The following CHN1 variants were observed in gnomAD, a reference collection of about 807,000 sequenced individuals.
The protein encoded by CHN1 is chimerin 1.
A neutral mutation model predicts 59.5 loss-of-function variants in CHN1; 37 were observed. The observed-to-expected ratio is 0.62, with a 90% CI of 0.48 to 0.82. CHN1 has a LOEUF of 0.82. Ranked by LOEUF, CHN1 falls within the 40% of genes least tolerant of loss-of-function variation. The pLI is 0.00. For missense variants in CHN1, 469 were observed against 571.0 expected (o/e 0.82, Z 1.82); for synonymous variants, 206 against 200.4 (o/e 1.03, Z -0.24).
At chr2:174,854,319 A>C (rs572069379) in intron 6 of CHN1, among the ~76,000 whole-genome samples, 22 of 151,156 alleles carry the variant, frequency 1.5e-4, no homozygotes, top group African/African-American at 5.3e-4. Flanking sequence ...ACTGAAAAGA[A>C]AAAAAAAAGG....
intron 6 of CHN1, among the ~76,000 whole-genome samples, chr2:174,869,924 C>T (rs1434809761): frequency 6.6e-6 from 1 of 152,130 alleles, no homozygotes; most frequent in Non-Finnish European, 1.5e-5. Context: ...CAATCTGCAG[C>T]TTGCATAAAA....
At chr2:174,971,842 T>A (rs1690768569) in intron 1 of CHN1, among the ~76,000 whole-genome samples, 1 of 152,274 alleles carries the variant, frequency 6.6e-6, no homozygotes, top group South Asian at 2.1e-4. Flanking sequence ...TCATCCTAGG[T>A]GACTACATCT....
chr2:174,983,657 G>A (rs1260529949), intron 1 of CHN1, among the ~76,000 whole-genome samples: 4 of 151,956 alleles, frequency 2.6e-5, no homozygotes, highest in African/African-American at 4.8e-5. Context: ...GTGAAACCCC[G>A]TCTCTATGAA....
intron 1 of CHN1, among the ~76,000 whole-genome samples, chr2:175,000,385 A>G (rs1691854449): frequency 6.6e-6 from 1 of 151,728 alleles, no homozygotes; most frequent in Admixed American, 6.6e-5. Flanking sequence ...GTGATCATCC[A>G]CCTTAGCCTC....
Position 174,811,457 on chromosome 2 carries a change from T to C in CHN1, c.964+54A>G, listed in dbSNP as rs181190224. ...AAAATACCTCACAAGAAATTGTGCC[T>C]TTTTAGAAAAGAGTATTATTGTCCT... On this transcript the variant is annotated intron_variant, in intron 10 of 12. Transcript: ENST00000409900. 1,239 of 1,264,438 alleles carry C rather than the reference T, an allele frequency of 9.8e-4. 15 individuals carry two copies. The African/African-American group carries it at 0.017, about 17-fold the overall frequency. The allele number at this position is 1,264,438 out of a possible 1,614,324, so 78.3% of individuals were successfully genotyped here.
chr2:174,927,163 G>A (rs1689193842), intron 3 of CHN1, among the ~76,000 whole-genome samples: 1 of 152,042 alleles, frequency 6.6e-6, no homozygotes, highest in Non-Finnish European at 1.5e-5. Context: ...ACAGACTCCT[G>A]CCTCCCGAGC....
chr2:174,941,055 A>G (rs898766156), intron 3 of CHN1, among the ~76,000 whole-genome samples: 1 of 152,194 alleles, frequency 6.6e-6, no homozygotes, highest in East Asian at 1.9e-4. Context: ...TTACGGACTT[A>G]CAAATTCTCT....
At chr2:174,861,972 GA>G (rs1477641107) in intron 6 of CHN1, among the ~76,000 whole-genome samples, 1 of 152,104 alleles carries the variant, frequency 6.6e-6, no homozygotes, top group Non-Finnish European at 1.5e-5. Flanking sequence ...ATATTAGAAG[GA>G]AAAGGGAATT....
intron 8 of CHN1, among the ~76,000 whole-genome samples, chr2:174,813,147 T>TC (rs1262785208): frequency 1.3e-5 from 2 of 152,220 alleles, no homozygotes; most frequent in Non-Finnish European, 2.9e-5. Flanking sequence ...GGTACTTTTT[T>TC]CCCTCATATT....
Position 175,005,285 on chromosome 2 carries a change from G to T in CHN1, c.-373C>A, listed in dbSNP as rs1041291567. The T allele has an allele frequency of 5.9e-6, 7 of 1,181,520 alleles. No individual in the cohort carries two copies. The highest frequency in any genetic ancestry group is 5.6e-5 in the South Asian group (3 of 53,904). The allele number at this position is 1,181,520 out of a possible 1,614,324, so 73.2% of individuals were successfully genotyped here. ...CACTGGCGGCGGCGGCGGCGGCGAC[G>T]GGGAGAGCAGCAGCAGCCTCGCACA... On this transcript the variant is annotated 5_prime_UTR_variant, in exon 1 of 13. Transcript: ENST00000409900.
At chr2:174,831,598 A>G (rs529152913) in intron 7 of CHN1, among the ~76,000 whole-genome samples, 1 of 152,354 alleles carries the variant, frequency 6.6e-6, no homozygotes, top group East Asian at 1.9e-4. Context: ...CCATTAATTC[A>G]AAGACATTTT....
At chr2:175,000,137 A>AT (rs71031080) in intron 1 of CHN1, among the ~76,000 whole-genome samples, 2,342 of 111,928 alleles carry the variant, frequency 0.021, 28 homozygotes, top group African/African-American at 0.033. Flanking sequence ...CACCTGGCTA[A>AT]TTTTTTTTTT....
intron 8 of CHN1, among the ~76,000 whole-genome samples, chr2:174,823,133 C>T (rs1685556197): frequency 6.6e-6 from 1 of 152,096 alleles, no homozygotes; most frequent in Admixed American, 6.5e-5. Flanking sequence ...CAAAAATATT[C>T]CATTTAAAAA....
chr2:174,883,770 T>C (rs1356919788), intron 5 of CHN1, among the ~76,000 whole-genome samples: 2 of 151,726 alleles, frequency 1.3e-5, no homozygotes, highest in African/African-American at 4.8e-5. Context: ...TGAATAGAAT[T>C]TAACCAAAAA....
At chr2:174,901,465 C>A (rs182716491) in intron 5 of CHN1, among the ~76,000 whole-genome samples, 34 of 152,316 alleles carry the variant, frequency 2.2e-4, no homozygotes, top group South Asian at 6.2e-4. Flanking sequence ...GGGTTTAGAT[C>A]AGATCCTCCT....
At chr2:174,923,371 G>A (rs1689074464) in intron 3 of CHN1, among the ~76,000 whole-genome samples, 1 of 152,018 alleles carries the variant, frequency 6.6e-6, no homozygotes, top group South Asian at 2.1e-4. Flanking sequence ...CCATCTCCTG[G>A]CCTTGTGATC....
intron 4 of CHN1, 27 bp downstream of exon 4, chr2:174,918,507 A>G (rs771532396): frequency 1.9e-6 from 3 of 1,555,388 alleles, no homozygotes; most frequent in Non-Finnish European, 1.7e-6. Context: ...CCAATCTATA[A>G]AACGTTTTCT....
At chr2:174,848,630 T>C (rs908935352) in intron 6 of CHN1, among the ~76,000 whole-genome samples, 34 of 152,198 alleles carry the variant, frequency 2.2e-4, no homozygotes, top group African/African-American at 8.2e-4. Flanking sequence ...ATGTGCCCAG[T>C]GCATATTCTA....
intron 6 of CHN1, among the ~76,000 whole-genome samples, chr2:174,871,296 A>G (rs1417868819): frequency 6.6e-6 from 1 of 151,592 alleles, no homozygotes; most frequent in Admixed American, 6.6e-5. Context: ...CATAGAATGA[A>G]GAATGACCCT....
Sources: gnomAD v4.1 joint callset for allele counts (sites outside exome capture counted in the v4.1 genomes callset) on GRCh38, gnomAD v4.1.1 for gene constraint, MANE v1.5 for transcripts, NCBI Gene and HGNC (gene_info 2026-07-23, HGNC 2026-07-21) for gene names.